The following IL16 variants were observed in gnomAD, a reference collection of about 807,000 sequenced individuals.
IL16 encodes pro-interleukin-16.
Under a neutral mutation model 110.1 loss-of-function variants are expected in IL16, and 67 were observed. The ratio of observed to expected loss-of-function variants is 0.61; its 90% confidence interval spans 0.50 to 0.75. The LOEUF is 0.75. Among genes scored for constraint, IL16 ranks in the 30% least tolerant of loss-of-function variants. The pLI is 0.00. For missense variants in IL16, 1,545 were observed against 1,655.0 expected (o/e 0.93, Z 1.15); for synonymous variants, 689 against 662.9 (o/e 1.04, Z -0.61).
At chr15:81,240,875 A>G in intron 2 of IL16, among the ~76,000 whole-genome samples, 1 of 152,118 alleles carries the variant, frequency 6.6e-6, no homozygotes, top group Non-Finnish European at 1.5e-5. Flanking sequence ...CATTTCCTAA[A>G]GTAATAAACA....
At chr15:81,253,802 AGTGGGAAT>A (rs1897852863) in intron 2 of IL16, among the ~76,000 whole-genome samples, 1 of 152,256 alleles carries the variant, frequency 6.6e-6, no homozygotes, top group African/African-American at 2.4e-5. Flanking sequence ...TGCCATTGGC[AGTGGGAAT>A]GGGTGTGCTG....
intron 6 of IL16, among the ~76,000 whole-genome samples, chr15:81,276,285 T>C (rs1446776386): frequency 7.9e-5 from 12 of 151,936 alleles, no homozygotes; most frequent in Admixed American, 7.9e-4. Flanking sequence ...TGTGAAATAA[T>C]ATAGCACATC....
At chr15:81,295,559 G>A (rs1441315453) in intron 12 of IL16, 1 of 1,215,788 alleles carries the variant, frequency 8.2e-7, no homozygotes, top group Admixed American at 2.3e-5. Context: ...TTCTCTTGTG[G>A]ACAAGAGACT....
At chr15:81,213,682 T>A (rs1896326886) in intron 1 of IL16, among the ~76,000 whole-genome samples, 1 of 152,260 alleles carries the variant, frequency 6.6e-6, no homozygotes, top group African/African-American at 2.4e-5. Flanking sequence ...GTTTAAAGTC[T>A]GTTTTAAAAA....
chr15:81,291,460 G>A (rs113072965), intron 11 of IL16, among the ~76,000 whole-genome samples: 1 of 151,804 alleles, frequency 6.6e-6, no homozygotes, highest in East Asian at 1.9e-4. Context: ...AAAAAAAAAA[G>A]AAAACTTTTT....
intron 2 of IL16, among the ~76,000 whole-genome samples, chr15:81,252,661 C>T (rs1264970114): frequency 5.9e-5 from 9 of 152,168 alleles, no homozygotes; most frequent in Non-Finnish European, 1.3e-4. Flanking sequence ...TGCCCGATCC[C>T]TAATTACCCA....
At chr15:81,215,940 G>C (rs990279792) in intron 1 of IL16, among the ~76,000 whole-genome samples, 3 of 152,242 alleles carry the variant, frequency 2.0e-5, no homozygotes, top group Non-Finnish European at 4.4e-5. Flanking sequence ...AAAGTACTCA[G>C]GTGGAGCAAT....
At chr15:81,238,385 GATTT>G (rs1897243344) in intron 2 of IL16, among the ~76,000 whole-genome samples, 1 of 151,900 alleles carries the variant, frequency 6.6e-6, no homozygotes, top group Non-Finnish European at 1.5e-5. Context: ...GTTCCACTTT[GATTT>G]ATTTATTATG....
intron 2 of IL16, 103 bp downstream of exon 2, chr15:81,225,814 G>A (rs1896771427): frequency 9.0e-7 from 1 of 1,114,048 alleles, no homozygotes; most frequent in Non-Finnish European, 1.3e-6. Context: ...AAGCTGCAGA[G>A]TTATAATTCT....
intron 3 of IL16, 144 bp from the exon 4 acceptor site, chr15:81,265,515 C>T: frequency 1.2e-6 from 1 of 829,560 alleles, no homozygotes; most frequent in Non-Finnish European, 1.9e-6. Flanking sequence ...GGCCACCTCT[C>T]CCCACCACGC....
intron 5 of IL16, among the ~76,000 whole-genome samples, chr15:81,272,068 G>A (rs527470412): frequency 2.7e-4 from 41 of 152,352 alleles, no homozygotes; most frequent in African/African-American, 9.9e-4. Flanking sequence ...TGGCCTCCAG[G>A]TGCATTTATG....
chr15:81,203,184 T>C (rs1288546767), intron 1 of IL16, among the ~76,000 whole-genome samples: 4 of 149,362 alleles, frequency 2.7e-5, no homozygotes, highest in Non-Finnish European at 5.9e-5. Flanking sequence ...TTTTTTCTTG[T>C]AAATTTGTTT....
intron 2 of IL16, among the ~76,000 whole-genome samples, chr15:81,254,006 G>A (rs544164054): frequency 6.6e-6 from 1 of 152,268 alleles, no homozygotes; most frequent in South Asian, 2.1e-4. Flanking sequence ...GGGCCTACTT[G>A]TTTATCCTCA....
rs781748057 is a variant in IL16 at position 81,300,517 on chromosome 15, T to C, written c.3149+42T>C. 3.9e-6 allele frequency: 5 copies of C among 1,279,290 alleles called. No homozygotes were observed. The South Asian group carries it at 4.1e-5, about 10-fold the overall frequency. 79.2% of individuals were successfully genotyped at this position (1,279,290 alleles called of 1,614,324 possible). A position where few individuals can be genotyped will look rare whatever the true frequency, so the allele number is the denominator to read the frequency against. On this transcript the variant is annotated intron_variant, in intron 14 of 18. Transcript: ENST00000683961. ...GGTGTTTCTCTTTACCTTTCTCATC[T>C]TTTTCTTTCTCATCTTTATTTTTAA...
At chr15:81,304,388 G>T (rs897744773) in intron 16 of IL16, among the ~76,000 whole-genome samples, 5 of 152,316 alleles carry the variant, frequency 3.3e-5, no homozygotes, top group African/African-American at 1.2e-4. Flanking sequence ...CTCTGTCCAT[G>T]AGTAGCAACT....
At chr15:81,266,008 C>T (rs1475470153) in intron 4 of IL16, among the ~76,000 whole-genome samples, 1 of 152,210 alleles carries the variant, frequency 6.6e-6, no homozygotes, top group Non-Finnish European at 1.5e-5. Context: ...TTGAGCGCCC[C>T]CTTGTGCCAG....
At chr15:81,219,420 A>G (rs1257663298) in intron 1 of IL16, among the ~76,000 whole-genome samples, 2 of 151,890 alleles carry the variant, frequency 1.3e-5, no homozygotes, top group Admixed American at 6.6e-5. Context: ...GATTGACTAT[A>G]TAGCAGGCCT....
At position 81,270,197 on chromosome 15, in the gene IL16, A is replaced by G. The variant is rs1898569640; in HGVS notation, c.675+549A>G. On this transcript the variant is annotated intron_variant, in intron 5 of 18. Coordinates refer to ENST00000683961, the MANE Select transcript of IL16 (RefSeq NM_172217.5). ...AACATCATACTGATCTCTGCTTCATAATGGAGATATAGCCAAAGGGGATAC... is the reference window on the plus strand; with the variant it reads ...AACATCATACTGATCTCTGCTTCATGATGGAGATATAGCCAAAGGGGATAC... Among the ~76,000 whole-genome samples, 3 of 152,188 alleles carry G rather than the reference A, an allele frequency of 2.0e-5. No homozygotes were observed. The South Asian group carries it at 6.2e-4, about 32-fold the overall frequency.
upstream of IL16, among the ~76,000 whole-genome samples, chr15:81,193,558 T>A (rs558481190): frequency 6.6e-6 from 1 of 152,146 alleles, no homozygotes; most frequent in East Asian, 1.9e-4. Flanking sequence ...GATGGACAGT[T>A]TGAAAGAAAA....
Sources: allele counts gnomAD v4.1 joint callset (sites outside exome capture counted in the v4.1 genomes callset), GRCh38; gene constraint gnomAD v4.1.1; transcripts MANE v1.5; gene names NCBI Gene and HGNC (gene_info 2026-07-23, HGNC 2026-07-21).